FAAP100: variants seen among roughly 807,000 people sequenced by gnomAD.
FAAP100 encodes the protein FA core complex associated protein 100.
FAAP100 carries 46 observed loss-of-function variants against 65.8 expected under a neutral mutation model. The observed-to-expected ratio is 0.70, with a 90% CI of 0.55 to 0.89. The LOEUF (loss-of-function observed/expected upper bound fraction) is 0.89. Ranked by LOEUF, FAAP100 falls within the 40% of genes least tolerant of loss-of-function variation. FAAP100 has a pLI of 0.00. For missense variants in FAAP100, 1,165 were observed against 1,196.7 expected (o/e 0.97, Z 0.39); for synonymous variants, 663 against 555.1 (o/e 1.19, Z -2.73).
rs113227539 is a variant in FAAP100, at chr17:81,547,956, G to C, written c.1404-278C>G. The C allele has an allele frequency of 2.2e-3, 1,576 of 703,756 alleles. 5 individuals carry two copies. Among genetic ancestry groups the C allele is most frequent in the Non-Finnish European group, 3.4e-3 (1,294 of 385,784 alleles). 43.6% of individuals were successfully genotyped at this position (703,756 alleles called of 1,614,324 possible). On this transcript the variant is annotated intron_variant, in intron 4 of 8. Coordinates refer to ENST00000327787, the MANE Select transcript of FAAP100 (RefSeq NM_025161.6). ...CAGAGGATGAAGCTGGTGCTCCGGG[G>C]ACCTAGGCTAATCTGCCAGGTATGA...
intron 4 of FAAP100, chr17:81,548,146 C>A (rs1050563001): frequency 4.3e-5 from 26 of 598,968 alleles, no homozygotes; most frequent in Non-Finnish European, 7.8e-5. Context: ...ACCACAGGGA[C>A]CCGGAGTGAC....
At chr17:81,542,212 T>A (rs1194617082) in intron 7 of FAAP100, among the ~76,000 whole-genome samples, 4 of 30,974 alleles carry the variant, frequency 1.3e-4, no homozygotes, top group Non-Finnish European at 2.7e-4. Flanking sequence ...TATATATATA[T>A]ATATATATAT....
chr17:81,544,168 G>GC (rs951046213), intron 6 of FAAP100, 48 bp from the exon 7 acceptor site: 33 of 1,481,030 alleles, frequency 2.2e-5, no homozygotes, highest in Non-Finnish European at 3.1e-5. Flanking sequence ...ACTCCCACCT[G>GC]CCCGGGGGGC....
intron 6 of FAAP100, among the ~76,000 whole-genome samples, chr17:81,544,576 G>A (rs947985980): frequency 6.7e-5 from 10 of 150,218 alleles, no homozygotes; most frequent in African/African-American, 2.4e-4. Context: ...GGCACTGGGA[G>A]CTGCTGGGCC....
chr17:81,546,937 G>T lies in FAAP100; in HGVS notation c.2145C>A (p.Leu715=). The change falls in exon 5 of 9, where the codon CTC becomes CTA. Residue 715 remains leucine (L), a synonymous_variant. Transcript: ENST00000327787. ...AGTGGCCGTCCTTCAAGGCAGCTCT[G>T]AGCAGCTCCGCCGACACCTTGATGG... ...VASIKVSAEL[L]RAALKDGHSG... is the part of the protein sequence containing the mutation. 2.1e-6 allele frequency: 3 copies of T among 1,450,928 alleles called. No homozygotes were observed. In the South Asian group the frequency reaches 4.5e-5, roughly 22 times the overall value. 89.9% of individuals were successfully genotyped at this position (1,450,928 alleles called of 1,614,324 possible). A position where few individuals can be genotyped will look rare whatever the true frequency, so the allele number is the denominator to read the frequency against.
Position 81,545,814 on chromosome 17 carries a change from C to A in FAAP100, c.2242G>T (p.Ala748Ser). 1 of 1,612,012 alleles carries A rather than the reference C, an allele frequency of 6.2e-7. No homozygotes were observed. The highest frequency in any genetic ancestry group is 8.5e-7 in the Non-Finnish European group (1 of 1,179,894). The part of the protein sequence containing the change: ...AENAAVDVVR[A>S]RALSSIQGVA... The stretch of plus-strand genomic sequence containing the variant: ...CCCTGGATGGAAGATAGTGCTCGGG[C>A]CCTCACGACGTCCACAGCAGCATTC... The change falls in exon 6 of 9, where the codon GCC becomes TCC. Residue 748 changes from alanine to serine, a missense_variant. Physicochemically the swap from Ala to Ser is moderately conservative, Grantham distance 99 (BLOSUM62 1). Transcript: ENST00000327787.
At position 81,547,194 on chromosome 17, in the gene FAAP100, C is replaced by T. The variant is rs772479870; in HGVS notation, c.1888G>A (p.Asp630Asn). Residue 630 changes from aspartate to asparagine, a missense_variant, in exon 5 of 9, where the codon GAC (aspartate) becomes AAC (asparagine). Transcript: ENST00000327787. ...EDPFLDECPS[D>N]VLPEQEGVCL... ...ACACCCTCTTGCTCGGGCAGGACGTCGGAGGGGCACTCATCCAGAAAGGGG... is the reference window on the plus strand; with the variant it reads ...ACACCCTCTTGCTCGGGCAGGACGTTGGAGGGGCACTCATCCAGAAAGGGG... 9.6e-6 allele frequency: 15 copies of T among 1,558,092 alleles called. No individual in the cohort carries two copies. The highest frequency in any genetic ancestry group is 5.4e-5 in the Admixed American group (3 of 55,164).
At chr17:81,551,845 C>A (rs931187466) in intron 2 of FAAP100, 83 bp downstream of exon 2, 4 of 1,407,710 alleles carry the variant, frequency 2.8e-6, no homozygotes, top group East Asian at 3.0e-5. Context: ...GGTCCCCAAG[C>A]GCGATGAGGT....
rs369579337 is a variant in FAAP100 at position 81,546,855 on chromosome 17, T to TA, written c.2173+53dup. 11,271 of 1,205,674 alleles carry TA rather than the reference T, an allele frequency of 9.3e-3. 19 individuals are homozygous for TA. The highest frequency in any genetic ancestry group is 0.031 in the African/African-American group (1,894 of 61,696). 74.7% of individuals were successfully genotyped at this position (1,205,674 alleles called of 1,614,324 possible). On this transcript the variant is annotated intron_variant, in intron 5 of 8. Transcript: ENST00000327787. ...GGCAACAGAGCAAGTTCCTGTCTCT[T>TA]AAAAAAAAAAAAAAAATCCCCAAGG...
chr17:81,551,268 T>C (rs2033485132), intron 2 of FAAP100, 65 bp from the exon 3 acceptor site: 9 of 1,419,982 alleles, frequency 6.3e-6, no homozygotes, highest in Non-Finnish European at 6.6e-6. Flanking sequence ...CTCTTCACAA[T>C]AACCTGGCAT....
At chr17:81,543,081 A>G (rs2033177101) in intron 7 of FAAP100, among the ~76,000 whole-genome samples, 1 of 151,982 alleles carries the variant, frequency 6.6e-6, no homozygotes, top group Admixed American at 6.6e-5. Context: ...CCTTGCACCA[A>G]ATGAGATCTC....
Position 81,541,333 on chromosome 17 carries a change from G to A in FAAP100, c.2490C>T (p.Leu830=). 6.2e-7 allele frequency: 1 copy of A among 1,611,924 alleles called. No homozygotes were observed. Among genetic ancestry groups the A allele is most frequent in the Non-Finnish European group, 8.5e-7 (1 of 1,179,862 alleles). The change falls in exon 8 of 9, where the codon CTC becomes CTT. Residue 830 remains leucine (L), a synonymous_variant. Transcript: ENST00000327787. ...CCTCGTGGTTGGCGTGGATCTGGCGGAGGTACTGCACACGGAGATCAGGAG... is the reference window on the plus strand; with the variant it reads ...CCTCGTGGTTGGCGTGGATCTGGCGAAGGTACTGCACACGGAGATCAGGAG... ...SSAPDLRVQY[L]RQIHANHETL...
In FAAP100 at chr17:81,552,190, G is replaced by C; in HGVS notation, c.141C>G (p.Tyr47Ter). Residue 47 changes from tyrosine to a stop codon, truncating the protein, a stop_gained, in exon 1 of 9, where the codon TAC becomes TAG. Transcript: ENST00000327787. LOFTEE classifies it high-confidence loss of function. Reference protein sequence around the residue: ...LSTGSELVYVYDQEGGLLTAA... With the variant: ...LSTGSELVYV ...CGGTCAGCAGCCCGCCCTCCTGGTC[G>C]TACACGTAGACGAGCTCGCTCCCGG... 6.7e-7 allele frequency: 1 copy of C among 1,498,510 alleles called. No individual in the cohort carries two copies. 92.8% of individuals were successfully genotyped at this position (1,498,510 alleles called of 1,614,324 possible). A position where few individuals can be genotyped will look rare whatever the true frequency, so the allele number is the denominator to read the frequency against.
chr17:81,543,935 G>T, intron 7 of FAAP100, 69 bp downstream of exon 7: 1 of 1,396,676 alleles, frequency 7.2e-7, no homozygotes, highest in Non-Finnish European at 1.0e-6. Context: ...AGCAGCTACA[G>T]GGTCCCATGC....
intron 7 of FAAP100, among the ~76,000 whole-genome samples, chr17:81,542,918 C>T (rs973908903): frequency 9.2e-5 from 14 of 152,346 alleles, no homozygotes; most frequent in African/African-American, 3.4e-4. Flanking sequence ...GGCAACACCT[C>T]AGCTCTGGAG....
chr17:81,543,965 C>G (rs754877244), intron 7 of FAAP100, 39 bp downstream of exon 7: 1 of 1,567,334 alleles, frequency 6.4e-7, no homozygotes, highest in African/African-American at 1.3e-5. Flanking sequence ...AGTGAGCGAC[C>G]CACAGATCCT....
chr17:81,545,099 G>A (rs2033251500), intron 6 of FAAP100, among the ~76,000 whole-genome samples: 1 of 152,234 alleles, frequency 6.6e-6, no homozygotes, highest in Non-Finnish European at 1.5e-5. Flanking sequence ...GAACCCAGGA[G>A]GCAGACGTTG....
At position 81,547,657 on chromosome 17, in the gene FAAP100, C is replaced by T. The variant is rs748161226; in HGVS notation, c.1425G>A (p.Ala475=). 23 of 1,610,522 alleles carry T rather than the reference C, an allele frequency of 1.4e-5. No individual in the cohort carries two copies. Among genetic ancestry groups the T allele is most frequent in the African/African-American group, 6.7e-5 (5 of 74,880 alleles). Residue 475 remains alanine (A), a synonymous_variant, in exon 5 of 9, where the codon GCG becomes GCA. Coordinates refer to ENST00000327787, the MANE Select transcript of FAAP100 (RefSeq NM_025161.6). ...ISERVSFLKK[A]VDQRNKALTS... Reference sequence around the variant, plus strand: ...TCAGTGCCTTGTTCCGCTGGTCAACCGCCTTCTTTAGAAAAGACACTCTGC... The same window carrying T: ...TCAGTGCCTTGTTCCGCTGGTCAACTGCCTTCTTTAGAAAAGACACTCTGC...
intron 6 of FAAP100, among the ~76,000 whole-genome samples, chr17:81,545,512 G>A (rs566255232): frequency 6.6e-6 from 1 of 152,350 alleles, no homozygotes; most frequent in African/African-American, 2.4e-5. Context: ...GGACCCCCAT[G>A]GCAGACAGGG....
Sources: gnomAD v4.1 joint callset for allele counts (sites outside exome capture counted in the v4.1 genomes callset) on GRCh38, gnomAD v4.1.1 for gene constraint, MANE v1.5 for transcripts, NCBI Gene and HGNC (gene_info 2026-07-23, HGNC 2026-07-21) for gene names.